PTDSS1: variants seen among roughly 807,000 people sequenced by gnomAD.
The protein encoded by PTDSS1 is PSS-1.
In PTDSS1, 45 loss-of-function variants were observed where a neutral mutation model predicts 70.5. The observed-to-expected ratio is 0.64, with a 90% CI of 0.50 to 0.82. The LOEUF (loss-of-function observed/expected upper bound fraction) is 0.82, where lower values mean the gene tolerates loss of function less well. Among genes scored for constraint, PTDSS1 ranks in the 40% least tolerant of loss-of-function variants. The pLI is 0.00. For missense variants in PTDSS1, 417 were observed against 586.1 expected (o/e 0.71, Z 2.98); for synonymous variants, 188 against 203.8 (o/e 0.92, Z 0.66).
At chr8:96,303,549 C>G (rs1385928598) in intron 6 of PTDSS1, among the ~76,000 whole-genome samples, 2 of 152,204 alleles carry the variant, frequency 1.3e-5, no homozygotes, top group Non-Finnish European at 2.9e-5. Flanking sequence ...ACTCCTCATG[C>G]TGAGTGTGCC....
Position 96,299,759 on chromosome 8 carries a change from C to T in PTDSS1, c.666C>T (p.Ile222=), listed in dbSNP as rs371518710. ...GGTGGGATCAAGTCATTCTGGACAT[C>T]CTGTTGTGCAATGGCGGTGGCATTT... ...ECWWDQVILD[I]LLCNGGGIWL... is the part of the protein sequence containing the mutation. Residue 222 remains isoleucine, a synonymous_variant, in exon 6 of 13, where the codon ATC becomes ATT. Coordinates refer to ENST00000517309, the MANE Select transcript of PTDSS1 (RefSeq NM_014754.3). 4 of 1,614,040 alleles carry T rather than the reference C, an allele frequency of 2.5e-6. No homozygotes were observed. Among genetic ancestry groups the T allele is most frequent in the Non-Finnish European group, 3.4e-6 (4 of 1,180,038 alleles).
At chr8:96,291,817 G>A (rs1180075033) in intron 4 of PTDSS1, among the ~76,000 whole-genome samples, 2 of 152,172 alleles carry the variant, frequency 1.3e-5, no homozygotes, top group Non-Finnish European at 2.9e-5. Context: ...TTCCAGATCA[G>A]TTTTTATAGT....
chr8:96,263,585 T>C (rs1324577049), intron 1 of PTDSS1, among the ~76,000 whole-genome samples: 1 of 152,230 alleles, frequency 6.6e-6, no homozygotes, highest in Non-Finnish European at 1.5e-5. Context: ...GTACAATTCA[T>C]GTCAGTTACT....
rs566061937 is a variant in PTDSS1 at position 96,262,603 on chromosome 8, A to T, written c.179+384A>T. On this transcript the variant is annotated intron_variant, in intron 1 of 12. Coordinates refer to ENST00000517309, the MANE Select transcript of PTDSS1 (RefSeq NM_014754.3). This position sits in a 1 kb window ranked among gnomAD's most constrained non-coding sequence, Gnocchi z 4.4. ...CAGCACACCGCATGAATCATGTCGT[A>T]TGCACCACTTTCAGCACACACCGCT... Among the ~76,000 whole-genome samples, 9 of 152,148 alleles carry T rather than the reference A, an allele frequency of 5.9e-5. No homozygotes were observed. The East Asian group carries it at 1.5e-3, about 26-fold the overall frequency.
At chr8:96,311,072 GTTATA>G (rs758392524) in intron 9 of PTDSS1, among the ~76,000 whole-genome samples, 7 of 152,066 alleles carry the variant, frequency 4.6e-5, no homozygotes, top group Admixed American at 6.6e-5. Flanking sequence ...GGCCTTAAAT[GTTATA>G]TTTTAATTTA....
chr8:96,296,951 C>T (rs1810984481), intron 5 of PTDSS1, among the ~76,000 whole-genome samples: 1 of 152,212 alleles, frequency 6.6e-6, no homozygotes, highest in Admixed American at 6.5e-5. Context: ...TACCTTCTTT[C>T]CCTGCTTCCC....
chr8:96,330,977 T>C, intron 11 of PTDSS1, 49 bp from the exon 12 acceptor site: 1 of 1,530,032 alleles, frequency 6.5e-7, no homozygotes, highest in Admixed American at 1.7e-5. Flanking sequence ...CTGCCACTTC[T>C]CCCAGGGAGT....
chr8:96,320,206 A>G (rs1811354907), intron 9 of PTDSS1, 40 bp from the exon 10 acceptor site: 8 of 1,498,896 alleles, frequency 5.3e-6, no homozygotes, highest in Admixed American at 5.0e-5. Context: ...TGCTCTGGTA[A>G]GATGGATTAA....
chr8:96,328,968 G>A (rs111266259), intron 10 of PTDSS1, among the ~76,000 whole-genome samples: 16 of 152,324 alleles, frequency 1.1e-4, no homozygotes, highest in African/African-American at 3.1e-4. Context: ...AGATCCGGGG[G>A]TTTCAAGAGA....
At chr8:96,269,371 T>C (rs1810529942) in intron 1 of PTDSS1, among the ~76,000 whole-genome samples, 1 of 152,212 alleles carries the variant, frequency 6.6e-6, no homozygotes, top group Non-Finnish European at 1.5e-5. Context: ...CTGTGAAAGT[T>C]CTTTGGAGTG....
chr8:96,309,197 T>G (rs1811170002), intron 8 of PTDSS1: 4 of 44,450 alleles, frequency 9.0e-5, no homozygotes, highest in African/African-American at 2.8e-4. Context: ...TTAGTGGTTT[T>G]TTTTTTTTTT....
intron 5 of PTDSS1, among the ~76,000 whole-genome samples, chr8:96,297,655 C>A (rs966563978): frequency 3.3e-5 from 5 of 152,196 alleles, no homozygotes; most frequent in Non-Finnish European, 7.3e-5. Flanking sequence ...TCTCTTCTTG[C>A]CCTTCACCTG....
At chr8:96,279,922 G>T (rs555981877) in intron 2 of PTDSS1, among the ~76,000 whole-genome samples, 1 of 152,084 alleles carries the variant, frequency 6.6e-6, no homozygotes, top group East Asian at 1.9e-4. Context: ...TTTCCTAGAA[G>T]AACTCTAACT....
At chr8:96,330,031 G>A in intron 10 of PTDSS1, among the ~76,000 whole-genome samples, 182 bp from the exon 11 acceptor site, 1 of 152,290 alleles carries the variant, frequency 6.6e-6, no homozygotes, top group African/African-American at 2.4e-5. Context: ...AACCTTTGTT[G>A]TCAGAAGCTT....
Position 96,331,034 on chromosome 8 carries a change from G to A in PTDSS1, c.1251G>A (p.Ser417=), listed in dbSNP as rs1401653769. Residue 417 remains serine, a synonymous_variant, in exon 12 of 13, where the codon TCG becomes TCA. Transcript: ENST00000517309. ...EHYGHREKTY[S]ECEDGTYSPE... is the part of the protein sequence containing the mutation. Reference sequence around the variant, plus strand: ...CCTGTCTCTCTCCCTAGACCTACTCGGAGTGTGAAGATGGCACCTACAGTC... The same window carrying A: ...CCTGTCTCTCTCCCTAGACCTACTCAGAGTGTGAAGATGGCACCTACAGTC... 12 of 1,612,824 alleles carry A rather than the reference G, an allele frequency of 7.4e-6. No homozygotes were observed. The highest frequency in any genetic ancestry group is 3.3e-5 in the Admixed American group (2 of 59,996).
chr8:96,322,266 A>G (rs1182791843), intron 10 of PTDSS1, among the ~76,000 whole-genome samples: 1 of 152,302 alleles, frequency 6.6e-6, no homozygotes, highest in East Asian at 1.9e-4. Context: ...TTCTGTTGCT[A>G]TAACAGAATA....
intron 1 of PTDSS1, among the ~76,000 whole-genome samples, chr8:96,266,498 T>G (rs1810489486): frequency 6.6e-6 from 1 of 152,252 alleles, no homozygotes; most frequent in Non-Finnish European, 1.5e-5. Context: ...ATATTGCTTA[T>G]GGATACTTGC....
Position 96,276,816 on chromosome 8 carries a change from T to C in PTDSS1, c.271+3426T>C, listed in dbSNP as rs1040448335. On this transcript the variant is annotated intron_variant, in intron 2 of 12. Coordinates refer to ENST00000517309, the MANE Select transcript of PTDSS1 (RefSeq NM_014754.3). ...CGTGCTTTGCATCCCACAAAGGAGG[T>C]GGGTGGTGACTGAGTTGATGCTCCT... Among the ~76,000 whole-genome samples the C allele has an allele frequency of 4.6e-5, 7 of 151,940 alleles. No homozygotes were observed. The East Asian group carries it at 1.4e-3, about 29-fold the overall frequency.
intron 2 of PTDSS1, among the ~76,000 whole-genome samples, chr8:96,282,807 CTG>C (rs1411587531): frequency 2.0e-5 from 3 of 152,206 alleles, no homozygotes; most frequent in South Asian, 2.1e-4. Context: ...CAGAAGCTGA[CTG>C]TGCTTATTAA....
Sources: gnomAD v4.1 joint callset for allele counts (sites outside exome capture counted in the v4.1 genomes callset) on GRCh38, gnomAD v4.1.1 for gene constraint, Gnocchi (gnomAD v3.1) non-coding constraint, MANE v1.5 for transcripts, NCBI Gene and HGNC (gene_info 2026-07-23, HGNC 2026-07-21) for gene names.